GRK5: variants seen among roughly 807,000 people sequenced by gnomAD.
The protein encoded by GRK5 is g protein-coupled receptor kinase GRK5.
In GRK5, 40 loss-of-function variants were observed where a neutral mutation model predicts 78.4. The observed-to-expected ratio is 0.51, with a 90% CI of 0.40 to 0.66. The LOEUF is 0.66. Among genes scored for constraint, GRK5 ranks in the 30% least tolerant of loss-of-function variants. The pLI is 0.00. For missense variants in GRK5, 598 were observed against 759.9 expected (o/e 0.79, Z 2.50); for synonymous variants, 289 against 296.8 (o/e 0.97, Z 0.27).
At chr10:119,269,960 G>C (rs1263459351) in intron 1 of GRK5, among the ~76,000 whole-genome samples, 1 of 152,004 alleles carries the variant, frequency 6.6e-6, no homozygotes, top group Non-Finnish European at 1.5e-5. Flanking sequence ...GGGGCCTTGT[G>C]CCAGTCCCCC....
intron 2 of GRK5, among the ~76,000 whole-genome samples, chr10:119,328,062 G>C (rs142124663): frequency 2.0e-5 from 3 of 152,222 alleles, no homozygotes; most frequent in African/African-American, 7.2e-5. Flanking sequence ...GGGTGGTGGA[G>C]TGGGTGAGAT....
chr10:119,380,056 C>T (rs950926381), intron 2 of GRK5, among the ~76,000 whole-genome samples: 2 of 152,140 alleles, frequency 1.3e-5, no homozygotes, highest in African/African-American at 4.8e-5. Flanking sequence ...TTGAAGCATC[C>T]TAAGACTGGG....
chr10:119,359,249 G>A (rs763615616), intron 2 of GRK5, among the ~76,000 whole-genome samples: 1 of 152,186 alleles, frequency 6.6e-6, no homozygotes, highest in Admixed American at 6.5e-5. Flanking sequence ...GTGTACACAC[G>A]AGAGGGCTTG....
intron 5 of GRK5, among the ~76,000 whole-genome samples, chr10:119,423,763 C>T (rs1482181225): frequency 6.6e-6 from 1 of 152,190 alleles, no homozygotes; most frequent in African/African-American, 2.4e-5. Context: ...GGCATGAGCA[C>T]TGAGGAGCAC....
At chr10:119,440,161 GC>G (rs1853004249) in intron 10 of GRK5, among the ~76,000 whole-genome samples, 1 of 152,072 alleles carries the variant, frequency 6.6e-6, no homozygotes, top group Non-Finnish European at 1.5e-5. Flanking sequence ...AAAGCGTCCT[GC>G]CCTGCCCTGC....
rs550152926 is a variant in GRK5 at position 119,300,860 on chromosome 10, A to G, written c.53-25656A>G. On this transcript the variant is annotated intron_variant, in intron 1 of 15. Coordinates refer to ENST00000392870, the MANE Select transcript of GRK5 (RefSeq NM_005308.3). ...GTAATCCCAGCACTTTGGGAGGCCG[A>G]AGGTGGATCACTTGAGGTCAGGAGT... Among the ~76,000 whole-genome samples, 60 of 152,270 alleles carry G rather than the reference A, an allele frequency of 3.9e-4. 1 individual carries two copies. The highest frequency in any genetic ancestry group is 1.4e-3 in the African/African-American group (60 of 41,556).
At chr10:119,384,504 G>A (rs1438458324) in intron 3 of GRK5, among the ~76,000 whole-genome samples, 3 of 152,208 alleles carry the variant, frequency 2.0e-5, no homozygotes, top group Admixed American at 6.5e-5. Context: ...GATGATGGGC[G>A]AGGTGTTAGG....
At chr10:119,272,226 C>T (rs776572106) in intron 1 of GRK5, among the ~76,000 whole-genome samples, 1 of 152,226 alleles carries the variant, frequency 6.6e-6, no homozygotes, top group African/African-American at 2.4e-5. Context: ...CTGCTCTCAC[C>T]AGCTGTGTGA....
At chr10:119,236,722 C>T (rs1281722615) in intron 1 of GRK5, among the ~76,000 whole-genome samples, 1 of 152,096 alleles carries the variant, frequency 6.6e-6, no homozygotes, top group African/African-American at 2.4e-5. Flanking sequence ...TTACTGCAAC[C>T]TCTGCCTCCC....
intron 15 of GRK5, among the ~76,000 whole-genome samples, chr10:119,454,680 G>C (rs1011708504): frequency 6.6e-6 from 1 of 152,220 alleles, no homozygotes; most frequent in African/African-American, 2.4e-5. Flanking sequence ...GGGAGGGGAA[G>C]ACTGAGAATT....
intron 6 of GRK5, among the ~76,000 whole-genome samples, chr10:119,428,122 G>A (rs567623638): frequency 1.1e-4 from 17 of 152,378 alleles, no homozygotes; most frequent in African/African-American, 4.1e-4. Context: ...GCCCACGCCC[G>A]GTTCTGGAGC....
intron 10 of GRK5, among the ~76,000 whole-genome samples, chr10:119,441,218 C>G (rs920976935): frequency 6.6e-6 from 1 of 152,202 alleles, no homozygotes; most frequent in Admixed American, 6.5e-5. Flanking sequence ...GACTGTCAGC[C>G]CCCACCGAGC....
At chr10:119,212,393 A>G (rs1848502153) in intron 1 of GRK5, among the ~76,000 whole-genome samples, 1 of 152,198 alleles carries the variant, frequency 6.6e-6, no homozygotes, top group Non-Finnish European at 1.5e-5. Context: ...TCCAGTGCCC[A>G]AACTAATCCT....
intron 1 of GRK5, among the ~76,000 whole-genome samples, chr10:119,220,935 C>T (rs1848647725): frequency 6.6e-6 from 1 of 152,088 alleles, no homozygotes; most frequent in Admixed American, 6.6e-5. Context: ...TGGCAGATCA[C>T]CTGAGGTCAG....
chr10:119,333,701 T>C (rs1850823985), intron 2 of GRK5: 1 of 508,590 alleles, frequency 2.0e-6, no homozygotes, highest in Admixed American at 2.1e-5. Context: ...CTTGTAAGTG[T>C]GTGCAGCGAG....
chr10:119,257,708 A>G (rs1034323833), intron 1 of GRK5, among the ~76,000 whole-genome samples: 1 of 152,114 alleles, frequency 6.6e-6, no homozygotes, highest in African/African-American at 2.4e-5. Flanking sequence ...TGGGCAACAG[A>G]GCGAGACTCT....
intron 1 of GRK5, among the ~76,000 whole-genome samples, chr10:119,289,045 T>C (rs1020949436): frequency 1.3e-5 from 2 of 152,156 alleles, no homozygotes; most frequent in African/African-American, 2.4e-5. Context: ...AACTTTTTTT[T>C]CCCTCCAACA....
intron 1 of GRK5, among the ~76,000 whole-genome samples, chr10:119,223,599 A>G (rs1035586475): frequency 6.6e-6 from 1 of 151,976 alleles, no homozygotes; most frequent in African/African-American, 2.4e-5. Context: ...GTTCCCTGGC[A>G]GTTGGTTTCT....
chr10:119,222,236 G>A (rs1848666313), intron 1 of GRK5, among the ~76,000 whole-genome samples: 2 of 152,154 alleles, frequency 1.3e-5, no homozygotes, highest in Admixed American at 6.5e-5. Flanking sequence ...CGTTTTTCGT[G>A]TTTGAGAGCT....
Sources: gnomAD v4.1 joint callset for allele counts (sites outside exome capture counted in the v4.1 genomes callset) on GRCh38, gnomAD v4.1.1 for gene constraint, MANE v1.5 for transcripts, NCBI Gene and HGNC (gene_info 2026-07-23, HGNC 2026-07-21) for gene names.